The following ACSF3 variants were observed in gnomAD, a reference collection of about 807,000 sequenced individuals.
The protein encoded by ACSF3 is acyl-CoA synthetase family member 3, also known as malonate--CoA ligase ACSF3, mitochondrial.
A neutral mutation model predicts 53.2 loss-of-function variants in ACSF3; 78 were observed. That is an observed-to-expected ratio of 1.47 (90% confidence interval 1.22 to 1.77). The LOEUF (loss-of-function observed/expected upper bound fraction) is 1.77. Ranked by LOEUF, ACSF3 falls within the 40% of genes most tolerant of loss-of-function variation. The pLI is 0.00. For missense variants in ACSF3, 937 were observed against 771.1 expected, an observed-to-expected ratio of 1.22 and a Z score of -2.55; for synonymous variants, 414 against 333.1, an observed-to-expected ratio of 1.24 and a Z score of -2.65.
Position 89,155,770 on chromosome 16 carries a change from A to T in ACSF3, c.*1563A>T, listed in dbSNP as rs906859915. On this transcript the variant is annotated 3_prime_UTR_variant, in exon 11 of 11. Transcript: ENST00000614302. ...TTTTACTTAATTCCACTAATTTTACATTTGCATCTCTCTCCTTTAATCCTG... is the reference window on the plus strand; with the variant it reads ...TTTTACTTAATTCCACTAATTTTACTTTTGCATCTCTCTCCTTTAATCCTG... The T allele has an allele frequency of 2.2e-6, 1 of 448,576 alleles. No individual in the cohort carries two copies. Among genetic ancestry groups the T allele is most frequent in the South Asian group, 1.6e-5 (1 of 63,670 alleles). 27.8% of individuals were successfully genotyped at this position (448,576 alleles called of 1,614,324 possible).
chr16:89,149,999 G>A (rs1913801342), intron 10 of ACSF3: 2 of 152,214 alleles, frequency 1.3e-5, no homozygotes, highest in Admixed American at 1.3e-4. Flanking sequence ...AGAGGTTTAA[G>A]TGGCTCACAG....
At position 89,100,813 on chromosome 16, in the gene ACSF3, C is replaced by G. The variant is rs1444580425; in HGVS notation, c.132C>G (p.Ala44=). The G allele has an allele frequency of 6.2e-7, 1 of 1,613,064 alleles. No homozygotes were observed. Among genetic ancestry groups the G allele is most frequent in the Non-Finnish European group, 8.5e-7 (1 of 1,180,026 alleles). The change falls in exon 3 of 11, where the codon GCC becomes GCG. Residue 44 remains alanine, a synonymous_variant. Coordinates refer to ENST00000614302, the MANE Select transcript of ACSF3 (RefSeq NM_001243279.3). ...CAGTGGCCCGCTCGGACAGGAGCGCCCCGGTGTTCACCCGTGCCCTGGCCT... is the reference window on the plus strand; with the variant it reads ...CAGTGGCCCGCTCGGACAGGAGCGCGCCGGTGTTCACCCGTGCCCTGGCCT... ...TAPVARSDRS[A]PVFTRALAFG... is the part of the protein sequence containing the mutation.
rs568882749 is a variant in ACSF3, at chr16:89,101,095, C to A, written c.414C>A (p.Ile138=). The A allele has an allele frequency of 6.2e-7, 1 of 1,614,010 alleles. No individual in the cohort carries two copies. The highest frequency in any genetic ancestry group is 1.3e-5 in the African/African-American group (1 of 74,930). Residue 138 remains isoleucine, a synonymous_variant, in exon 3 of 11, where the codon ATC becomes ATA. Transcript: ENST00000614302. ...KHPAAQLEYV[I]CDSQSSVVLA... ...CCGCGGCCCAGCTGGAGTATGTCATCTGCGACTCCCAGAGCTCTGTGGTCC... is the reference window on the plus strand; with the variant it reads ...CCGCGGCCCAGCTGGAGTATGTCATATGCGACTCCCAGAGCTCTGTGGTCC...
chr16:89,146,969 T>C (rs1174600648), intron 10 of ACSF3, among the ~76,000 whole-genome samples: 1 of 152,090 alleles, frequency 6.6e-6, no homozygotes, highest in Non-Finnish European at 1.5e-5. Flanking sequence ...TCACCTACAG[T>C]AATTTCTTTT....
intron 6 of ACSF3, among the ~76,000 whole-genome samples, chr16:89,119,166 T>C (rs1312285961): frequency 4.6e-5 from 7 of 152,160 alleles, no homozygotes; most frequent in African/African-American, 1.4e-4. Context: ...ACTGCTTGGC[T>C]GCTGCAGAAT....
intron 9 of ACSF3, 21 bp from the exon 10 acceptor site, chr16:89,145,917 A>G (rs181248070): frequency 1.2e-6 from 2 of 1,607,272 alleles, no homozygotes; most frequent in East Asian, 4.5e-5. Flanking sequence ...CCATGTTCTC[A>G]AACTGTTCTT....
intron 1 of ACSF3, among the ~76,000 whole-genome samples, chr16:89,096,693 C>T (rs1178617883): frequency 6.6e-6 from 1 of 152,208 alleles, no homozygotes; most frequent in Non-Finnish European, 1.5e-5. Context: ...GTGCCCTAGA[C>T]ACCCCGAGTG....
At position 89,114,492 on chromosome 16, in the gene ACSF3, G is replaced by C. The variant is rs371622529; in HGVS notation, c.1126+5G>C. ...CCACTGCCGTGCGCCTGCCAGGTAC[G>C]AGCACTTCCCACAGCTGCGTTCCTC... is the stretch of plus-strand genomic sequence containing the variant. On this transcript the variant is annotated splice_donor_5th_base_variant and intron_variant, in intron 6 of 10. Coordinates refer to ENST00000614302, the MANE Select transcript of ACSF3 (RefSeq NM_001243279.3). 35 of 1,610,620 alleles carry C rather than the reference G, an allele frequency of 2.2e-5. No homozygotes were observed. In the African/African-American group the frequency reaches 4.3e-4, roughly 20 times the overall value.
intron 7 of ACSF3, among the ~76,000 whole-genome samples, chr16:89,121,801 C>T (rs1906711839): frequency 6.6e-6 from 1 of 152,230 alleles, no homozygotes; most frequent in African/African-American, 2.4e-5. Flanking sequence ...AACAGCCACA[C>T]GCCCTCCTTG....
At chr16:89,103,230 C>T (rs2151418729) in intron 4 of ACSF3, among the ~76,000 whole-genome samples, 1 of 152,388 alleles carries the variant, frequency 6.6e-6, no homozygotes, top group Middle Eastern at 3.4e-3. Flanking sequence ...ACAGGCCCTG[C>T]TGCCCGCGAG....
At chr16:89,142,547 GCAGACACACCCACA>G (rs1567741298) in intron 8 of ACSF3, among the ~76,000 whole-genome samples, 3 of 148,144 alleles carry the variant, frequency 2.0e-5, no homozygotes, top group Non-Finnish European at 4.5e-5. Context: ...ACCCACACCT[GCAGACACACCCACA>G]CCTGCAGACA....
At chr16:89,139,016 C>T (rs930367409) in intron 8 of ACSF3, among the ~76,000 whole-genome samples, 11 of 152,248 alleles carry the variant, frequency 7.2e-5, no homozygotes, top group East Asian at 1.9e-4. Context: ...CCGCCAGCAC[C>T]GCCACCTCCA....
intron 1 of ACSF3, among the ~76,000 whole-genome samples, chr16:89,094,738 T>G (rs994309703): frequency 3.3e-5 from 5 of 152,080 alleles, no homozygotes; most frequent in Middle Eastern, 3.4e-3. Flanking sequence ...TACAAAAAAA[T>G]GTAAAAATTA....
chr16:89,132,492 C>T (rs1909544725), intron 7 of ACSF3, among the ~76,000 whole-genome samples: 1 of 152,374 alleles, frequency 6.6e-6, no homozygotes, highest in East Asian at 1.9e-4. Flanking sequence ...CCGCCCTCTC[C>T]ATGGTCACAA....
chr16:89,154,870 T>A lies in ACSF3; in HGVS notation c.*663T>A, dbSNP rs1212885922. On this transcript the variant is annotated 3_prime_UTR_variant, in exon 11 of 11. Coordinates refer to ENST00000614302, the MANE Select transcript of ACSF3 (RefSeq NM_001243279.3). ...GTGCGTGGACGGATGGCCCCGGAGCTGCTCTGCCGTGACCCTGCCTCACCC... is the reference window on the plus strand; with the variant it reads ...GTGCGTGGACGGATGGCCCCGGAGCAGCTCTGCCGTGACCCTGCCTCACCC... 2.2e-6 allele frequency: 1 copy of A among 454,106 alleles called. No homozygotes were observed. Among genetic ancestry groups the A allele is most frequent in the East Asian group, 6.9e-5 (1 of 14,398 alleles). The allele number at this position is 454,106 out of a possible 1,614,324, so 28.1% of individuals were successfully genotyped here.
At chr16:89,120,985 T>G (rs1454818618) in intron 7 of ACSF3, 72 bp downstream of exon 7, 2 of 1,356,242 alleles carry the variant, frequency 1.5e-6, no homozygotes, top group Non-Finnish European at 2.1e-6. Context: ...GTTACACTGG[T>G]GCATCTTTCC....
At position 89,120,883 on chromosome 16, in the gene ACSF3, C is replaced by T. The variant is rs1906478952; in HGVS notation, c.1209C>T (p.Ile403=). 2 of 1,614,086 alleles carry T rather than the reference C, an allele frequency of 1.2e-6. No individual in the cohort carries two copies. Residue 403 remains isoleucine, a synonymous_variant, in exon 7 of 11, where the codon ATC becomes ATT. Coordinates refer to ENST00000614302, the MANE Select transcript of ACSF3 (RefSeq NM_001243279.3). ...AGAGGGAAGCCTGCTCCTACACCAT[C>T]CACGCAGAGGGAGACGAGAGGGGGA... ...NPQREACSYT[I]HAEGDERGTK...
chr16:89,095,047 A>G (rs1974449155), intron 1 of ACSF3: 2 of 152,410 alleles, frequency 1.3e-5, no homozygotes, highest in African/African-American at 4.8e-5. Flanking sequence ...GAGGACAGAC[A>G]TTCGTGTTAG....
intron 10 of ACSF3, chr16:89,152,916 A>T (rs1914268581): frequency 6.6e-6 from 1 of 152,176 alleles, no homozygotes; most frequent in South Asian, 2.1e-4. Context: ...CGATTTGGAA[A>T]TGTGGAGGTC....
Sources: gnomAD v4.1 joint callset for allele counts (sites outside exome capture counted in the v4.1 genomes callset) on GRCh38, gnomAD v4.1.1 for gene constraint, MANE v1.5 for transcripts, NCBI Gene and HGNC (gene_info 2026-07-23, HGNC 2026-07-21) for gene names.